Variants in LIMD1 observed in about 807,000 individuals in gnomAD.
The protein encoded by LIMD1 is LIM domain containing 1, also known as LIM domain-containing protein 1.
In LIMD1, 23 loss-of-function variants were observed where a neutral mutation model predicts 58.4. That is an observed-to-expected ratio of 0.39 (90% CI 0.28 to 0.56). LIMD1 has a LOEUF of 0.56. Ranked by LOEUF, LIMD1 falls within the 20% of genes least tolerant of loss-of-function variation. LIMD1 has a pLI of 0.57. For synonymous variants in LIMD1, 334 were observed against 345.5 expected (o/e 0.97, Z 0.37); for missense variants, 838 against 855.5 (o/e 0.98, Z 0.25).
intron 3 of LIMD1, 114 bp downstream of exon 3, chr3:45,665,831 C>T: frequency 1.2e-6 from 1 of 852,348 alleles, no homozygotes; most frequent in South Asian, 1.5e-5. Context: ...GAGAGGGGCC[C>T]TGCCTTTCCT....
intron 2 of LIMD1, among the ~76,000 whole-genome samples, chr3:45,651,966 G>A (rs186941332): frequency 3.9e-4 from 60 of 152,036 alleles, no homozygotes; most frequent in African/African-American, 1.4e-3. Flanking sequence ...TTGCTCTGCT[G>A]CCCAGGCTGG....
chr3:45,664,954 C>T (rs903040680), intron 2 of LIMD1, among the ~76,000 whole-genome samples: 11 of 152,158 alleles, frequency 7.2e-5, no homozygotes, highest in Non-Finnish European at 1.6e-4. Context: ...CCGGGACACC[C>T]TCTGCTGACC....
At position 45,628,015 on chromosome 3, in the gene LIMD1, A is replaced by AAAAAAAG. The variant is rs541833438; in HGVS notation, c.1409-8131_1409-8130insAAGAAAA. On this transcript the variant is annotated intron_variant, in intron 1 of 7. Coordinates refer to ENST00000273317, the MANE Select transcript of LIMD1 (RefSeq NM_014240.3). ...AGAGTGAGACCCCATCTCAAAAAAAAAAAAGAAAAAAGAATATATGAACCA... is the reference window on the plus strand; with the variant it reads ...AGAGTGAGACCCCATCTCAAAAAAAAAAAAAAGAAAAGAAAAAAGAATATATGAACCA... Among the ~76,000 whole-genome samples, 81 of 149,724 alleles carry AAAAAAAG rather than the reference A, an allele frequency of 5.4e-4. 1 individual carries two copies. The highest frequency in any genetic ancestry group is 3.4e-3 in the Middle Eastern group (1 of 290).
chr3:45,605,649 C>T (rs1701461248), intron 1 of LIMD1, among the ~76,000 whole-genome samples: 1 of 152,194 alleles, frequency 6.6e-6, no homozygotes, highest in Non-Finnish European at 1.5e-5. Flanking sequence ...TTAGAAAGGA[C>T]GAAAGGTGTC....
At chr3:45,615,022 C>A (rs146724921) in intron 1 of LIMD1, among the ~76,000 whole-genome samples, 151 of 152,114 alleles carry the variant, frequency 9.9e-4, no homozygotes, top group African/African-American at 3.4e-3. Flanking sequence ...AGCAGAACTT[C>A]CCCTCTTCTC....
intron 2 of LIMD1, among the ~76,000 whole-genome samples, chr3:45,651,428 T>C (rs1701973625): frequency 6.6e-6 from 1 of 152,220 alleles, no homozygotes; most frequent in Non-Finnish European, 1.5e-5. Context: ...TCCTGAATGG[T>C]ACTGCCTAGA....
At chr3:45,630,874 A>G (rs929792363) in intron 1 of LIMD1, among the ~76,000 whole-genome samples, 4 of 152,208 alleles carry the variant, frequency 2.6e-5, no homozygotes, top group African/African-American at 9.7e-5. Context: ...CTTGGGTTTT[A>G]GACAGGAGAT....
chr3:45,665,348 C>A (rs1164500346), intron 2 of LIMD1, among the ~76,000 whole-genome samples: 2 of 151,926 alleles, frequency 1.3e-5, no homozygotes, highest in Non-Finnish European at 2.9e-5. Flanking sequence ...CCACCAAATG[C>A]TTTGCTGGCA....
At position 45,594,883 on chromosome 3, in the gene LIMD1, G is replaced by A. The variant is rs768388485; in HGVS notation, c.4G>A (p.Asp2Asn). 3 of 1,601,934 alleles carry A rather than the reference G, an allele frequency of 1.9e-6. No homozygotes were observed. In the Admixed American group the frequency reaches 5.1e-5, roughly 27 times the overall value. MDKYDDLGLEAS... is the reference protein window; with the variant it reads MNKYDDLGLEAS... ...GGCCCGGACACCTGTCTGCAGCATG[G>A]ATAAGTATGACGACCTGGGCCTGGA... Residue 2 changes from aspartate (D) to asparagine (N), a missense_variant, in exon 1 of 8, where the codon GAT becomes AAT. Coordinates refer to ENST00000273317, the MANE Select transcript of LIMD1 (RefSeq NM_014240.3).
intron 6 of LIMD1, chr3:45,673,869 C>G: frequency 3.7e-6 from 1 of 269,428 alleles, no homozygotes; most frequent in South Asian, 7.1e-5. Context: ...CAGCAGGTGA[C>G]AGCAAGACCT....
chr3:45,618,830 T>C (rs1487710420), intron 1 of LIMD1, among the ~76,000 whole-genome samples: 3 of 152,092 alleles, frequency 2.0e-5, no homozygotes, highest in South Asian at 4.1e-4. Flanking sequence ...GCTGTGGACG[T>C]GGGGAGGAAG....
intron 1 of LIMD1, chr3:45,632,555 A>G (rs1259248124): frequency 5.1e-6 from 5 of 985,128 alleles, no homozygotes; most frequent in African/African-American, 1.7e-5. Context: ...AGCAGGTGCC[A>G]GGTAAGGAAG....
Position 45,618,306 on chromosome 3 carries a change from C to T in LIMD1, c.1409-17844C>T, listed in dbSNP as rs555680384. Among the ~76,000 whole-genome samples, 9 of 152,286 alleles carry T rather than the reference C, an allele frequency of 5.9e-5. No individual in the cohort carries two copies. The South Asian group carries it at 1.7e-3, about 28-fold the overall frequency. On this transcript the variant is annotated intron_variant, in intron 1 of 7. Transcript: ENST00000273317. Reference sequence around the variant, plus strand: ...ACTCACTTGGTAGATGTTTATTGAGCGCCTGCTGTGAGCTTGGCACCTGCT... The same window carrying T: ...ACTCACTTGGTAGATGTTTATTGAGTGCCTGCTGTGAGCTTGGCACCTGCT...
chr3:45,609,313 A>G (rs779213607), intron 1 of LIMD1, among the ~76,000 whole-genome samples: 4 of 152,234 alleles, frequency 2.6e-5, no homozygotes, highest in Non-Finnish European at 5.9e-5. Context: ...AGACTTGACT[A>G]CATTTTGCGG....
intron 2 of LIMD1, among the ~76,000 whole-genome samples, chr3:45,658,532 ATTCTTTT>A (rs1697377418): frequency 1.4e-5 from 1 of 72,138 alleles, no homozygotes; most frequent in South Asian, 4.5e-4. Flanking sequence ...CACCATGCAG[ATTCTTTT>A]TTTTTTTTTT....
intron 1 of LIMD1, among the ~76,000 whole-genome samples, chr3:45,610,626 T>G (rs1296334628): frequency 2.0e-5 from 3 of 152,138 alleles, no homozygotes; most frequent in Non-Finnish European, 2.9e-5. Flanking sequence ...GGGCTTTGGA[T>G]CTGCCACCCC....
rs968315222 is a variant in LIMD1, at chr3:45,685,850, C to T, written c.*8791C>T. The T allele has an allele frequency of 1.3e-5, 2 of 152,190 alleles. No homozygotes were observed. Among genetic ancestry groups the T allele is most frequent in the African/African-American group, 2.4e-5 (1 of 41,430 alleles). 9.4% of individuals were successfully genotyped at this position (152,190 alleles called of 1,614,324 possible). A position where few individuals can be genotyped will look rare whatever the true frequency, so the allele number is the denominator to read the frequency against. On this transcript the variant is annotated 3_prime_UTR_variant, in exon 8 of 8. Coordinates refer to ENST00000273317, the MANE Select transcript of LIMD1 (RefSeq NM_014240.3). ...ATGCCCAACCTTGTTTTTACTAACC[C>T]TGTTTTTAGACTCTCCCTCTTCCTT... is the stretch of plus-strand genomic sequence containing the variant.
rs762950766 is a variant in LIMD1 at position 45,636,229 on chromosome 3, A to G, written c.1488A>G (p.Thr496=). The G allele has an allele frequency of 2.5e-6, 4 of 1,612,072 alleles. No individual in the cohort carries two copies. Among genetic ancestry groups the G allele is most frequent in the Non-Finnish European group, 2.5e-6 (3 of 1,179,070 alleles). Residue 496 remains threonine (T), a synonymous_variant, in exon 2 of 8, where the codon ACA becomes ACG. Coordinates refer to ENST00000273317, the MANE Select transcript of LIMD1 (RefSeq NM_014240.3). ...CQAMGNLYHD[T]CFTCAACSRK... is the part of the protein sequence containing the mutation. ...CCATGGGGAACCTCTACCATGACAC[A>G]TGCTTCACCTGTGCAGCTTGCAGTA... is the stretch of plus-strand genomic sequence containing the variant.
At chr3:45,645,999 C>T (rs1701901264) in intron 2 of LIMD1, among the ~76,000 whole-genome samples, 1 of 149,346 alleles carries the variant, frequency 6.7e-6, no homozygotes, top group Non-Finnish European at 1.5e-5. Flanking sequence ...CACTGCACTC[C>T]AGCCTGAGTG....
Sources: gnomAD v4.1 joint callset for allele counts (sites outside exome capture counted in the v4.1 genomes callset) on GRCh38, gnomAD v4.1.1 for gene constraint, MANE v1.5 for transcripts, NCBI Gene and HGNC (gene_info 2026-07-23, HGNC 2026-07-21) for gene names.